Variants in NINL observed in about 807,000 individuals in gnomAD.
NINL encodes the protein ninein like, also known as ninein-like protein.
In NINL, 153 loss-of-function variants were observed where a neutral mutation model predicts 160.3. The ratio of observed to expected loss-of-function variants is 0.95; its 90% confidence interval spans 0.84 to 1.09. The LOEUF (loss-of-function observed/expected upper bound fraction) is 1.09, where lower values mean the gene tolerates loss of function less well. NINL is among the 50% of genes least tolerant of loss of function. The probability of loss-of-function intolerance (pLI) is 0.00; values close to 1 mark genes in which losing one functional copy is unlikely to be tolerated. For missense variants in NINL, 1,829 were observed against 1,764.0 expected (o/e 1.04, Z -0.66); for synonymous variants, 800 against 734.8 (o/e 1.09, Z -1.43).
At chr20:25,500,694 T>A (rs917964121) in intron 8 of NINL, 146 bp downstream of exon 8, 1 of 673,012 alleles carries the variant, frequency 1.5e-6, no homozygotes, top group Non-Finnish European at 2.4e-6. Context: ...GATAGGTTTC[T>A]ACCTGGACTT....
At chr20:25,552,415 CT>C (rs2064815999) in intron 1 of NINL, among the ~76,000 whole-genome samples, 1 of 152,074 alleles carries the variant, frequency 6.6e-6, no homozygotes, top group Admixed American at 6.5e-5. Context: ...GGTTAAACCA[CT>C]TTTCTAAAAG....
chr20:25,583,278 GA>G (rs756021037), intron 1 of NINL, among the ~76,000 whole-genome samples: 269 of 151,700 alleles, frequency 1.8e-3, no homozygotes, highest in Non-Finnish European at 3.0e-3. Flanking sequence ...AAATTTACAA[GA>G]AAAAAACAAC....
At chr20:25,490,376 T>C (rs374515805) in intron 11 of NINL, among the ~76,000 whole-genome samples, 23 of 152,094 alleles carry the variant, frequency 1.5e-4, no homozygotes, top group South Asian at 6.2e-4. Flanking sequence ...CTGGCTAACA[T>C]GGTGAAACCC....
intron 1 of NINL, among the ~76,000 whole-genome samples, chr20:25,535,189 T>C (rs1486717756): frequency 1.3e-5 from 2 of 152,152 alleles, no homozygotes; most frequent in Non-Finnish European, 2.9e-5. Context: ...GCCACAGACC[T>C]TACTCAGATG....
intron 1 of NINL, among the ~76,000 whole-genome samples, chr20:25,570,123 T>G (rs970630213): frequency 7.2e-5 from 11 of 152,052 alleles, no homozygotes; most frequent in African/African-American, 2.7e-4. Flanking sequence ...GAGGGTGCAG[T>G]GAGCTGAGAT....
intron 21 of NINL, among the ~76,000 whole-genome samples, chr20:25,460,035 C>CA (rs1480444037): frequency 6.6e-6 from 1 of 152,174 alleles, no homozygotes; most frequent in African/African-American, 2.4e-5. Flanking sequence ...TGTGAGTCCC[C>CA]ATCCCTTTGC....
At chr20:25,529,433 G>A (rs190120516) in intron 1 of NINL, among the ~76,000 whole-genome samples, 262 of 152,290 alleles carry the variant, frequency 1.7e-3, no homozygotes, top group Middle Eastern at 3.4e-3. Context: ...CAGAGGTGCA[G>A]GTGAAAATGA....
chr20:25,469,151 T>C (rs2063017587), intron 18 of NINL, among the ~76,000 whole-genome samples: 1 of 131,146 alleles, frequency 7.6e-6, no homozygotes, highest in African/African-American at 3.1e-5. Context: ...GGTGCCCCAC[T>C]GCCCTGTCCC....
rs375495700 is a variant in NINL at position 25,470,032 on chromosome 20, C to T, written c.3312G>A (p.Arg1104=). ...TACTTTCTGCAGCTTCAAGCTCTTG[C>T]CGAACCCTTCCCAGATCGTTTTTCA... The part of the protein sequence containing the change: ...TLLKNDLGRV[R]QELEAAESTH... The change falls in exon 18 of 24, where the codon CGG becomes CGA. Residue 1104 remains arginine (R), a synonymous_variant. Coordinates refer to ENST00000278886, the MANE Select transcript of NINL (RefSeq NM_025176.6). 3.7e-6 allele frequency: 6 copies of T among 1,614,062 alleles called. No homozygotes were observed. In the African/African-American group the frequency reaches 8.0e-5, roughly 22 times the overall value.
intron 1 of NINL, among the ~76,000 whole-genome samples, chr20:25,552,607 C>T (rs571753298): frequency 2.6e-5 from 4 of 152,334 alleles, no homozygotes; most frequent in South Asian, 2.1e-4. Flanking sequence ...GTCTAAATCA[C>T]GGAGGGGCCA....
At position 25,480,261 on chromosome 20, in the gene NINL, G is replaced by A. The variant is rs1399137229; in HGVS notation, c.1817C>T (p.Ser606Leu). 2 of 1,613,656 alleles carry A rather than the reference G, an allele frequency of 1.2e-6. No homozygotes were observed. The highest frequency in any genetic ancestry group is 1.7e-6 in the Non-Finnish European group (2 of 1,179,700). Reference protein sequence around the residue: ...QLPGLGPAGISFLGNSAPVSI... With the variant: ...QLPGLGPAGILFLGNSAPVSI... ...CACTGGAGCAGAATTACCCAGGAAT[G>A]AAATGCCTGCAAACAAGAGGCCACT... The change falls in exon 15 of 24, where the codon TCA (serine) becomes TTA (leucine). Residue 606 changes from serine (S) to leucine (L), a missense_variant. Transcript: ENST00000278886.
intron 1 of NINL, among the ~76,000 whole-genome samples, chr20:25,564,902 G>A (rs2064983621): frequency 6.6e-6 from 1 of 152,064 alleles, no homozygotes; most frequent in Admixed American, 6.5e-5. Context: ...AGAGACAGCG[G>A]GCAAATACAG....
chr20:25,505,029 G>A lies in NINL; in HGVS notation c.567C>T (p.Ser189=), dbSNP rs142921371. 5 of 1,610,420 alleles carry A rather than the reference G, an allele frequency of 3.1e-6. No individual in the cohort carries two copies. Among genetic ancestry groups the A allele is most frequent in the Admixed American group, 3.4e-5 (2 of 59,532 alleles). The change falls in exon 6 of 24, where the codon TCC becomes TCT. Residue 189 remains serine, a synonymous_variant. Coordinates refer to ENST00000278886, the MANE Select transcript of NINL (RefSeq NM_025176.6). ...DSEDFGSPQK[S]CSPSFDTPES... ...CTGGGGTGTCAAAGGAGGGGCTGCA[G>A]GACTTCTGGGGGCTCCCAAAGTCCT...
At chr20:25,542,716 A>G (rs1338632036) in intron 1 of NINL, among the ~76,000 whole-genome samples, 4 of 113,880 alleles carry the variant, frequency 3.5e-5, no homozygotes, top group African/African-American at 1.3e-4. Flanking sequence ...AAAAAAAAAA[A>G]AAAAAAAAAA....
Position 25,518,538 on chromosome 20 carries a change from T to C in NINL, c.181-689A>G, listed in dbSNP as rs554590971. Among the ~76,000 whole-genome samples the C allele has an allele frequency of 2.8e-4, 43 of 152,380 alleles. 1 individual carries two copies. The South Asian group carries it at 7.9e-3, about 28-fold the overall frequency. ...GTATTTACATGATATTATCTTTTTA[T>C]TGAATTTTTCATTCCAATTTTTAAT... On this transcript the variant is annotated intron_variant, in intron 2 of 23. Transcript: ENST00000278886.
In NINL at chr20:25,480,149, T is replaced by A. The variant is rs773412782; in HGVS notation, c.1917+12A>T. On this transcript the variant is annotated intron_variant, in intron 15 of 23. Transcript: ENST00000278886. ...ACTCCCCCAGGGCCCCACAGCCCCA[T>A]AATCCCCTCACCTTGGTCTCCAGCT... The A allele has an allele frequency of 5.0e-6, 8 of 1,605,702 alleles. No homozygotes were observed. Among genetic ancestry groups the A allele is most frequent in the Middle Eastern group, 1.7e-4 (1 of 5,918 alleles).
At position 25,462,553 on chromosome 20, in the gene NINL, A is replaced by C; in HGVS notation, c.3424-12T>G. 6.3e-7 allele frequency: 1 copy of C among 1,595,312 alleles called. No individual in the cohort carries two copies. The highest frequency in any genetic ancestry group is 2.2e-5 in the East Asian group (1 of 44,684). ...TTGTAGTTCTGATTCTGGGGGAAAA[A>C]GTTTTTAAATACATAAGAAAAAAAT... On this transcript the variant is annotated splice_polypyrimidine_tract_variant and intron_variant, in intron 19 of 23. Transcript: ENST00000278886.
intron 1 of NINL, among the ~76,000 whole-genome samples, chr20:25,530,744 T>C (rs140645948): frequency 0.015 from 2,276 of 150,928 alleles, 49 homozygotes; most frequent in African/African-American, 0.053. Context: ...GGGGAGGGAG[T>C]GAGCGAATAG....
chr20:25,562,830 G>C (rs1458421664), intron 1 of NINL, among the ~76,000 whole-genome samples: 6 of 151,868 alleles, frequency 4.0e-5, no homozygotes, highest in African/African-American at 1.5e-4. Context: ...AGTAATACCA[G>C]AGGGAAAACT....
Sources: allele counts gnomAD v4.1 joint callset (sites outside exome capture counted in the v4.1 genomes callset), GRCh38; gene constraint gnomAD v4.1.1; transcripts MANE v1.5; gene names NCBI Gene and HGNC (gene_info 2026-07-23, HGNC 2026-07-21).